The following PLPBP variants were observed in gnomAD, a reference collection of about 807,000 sequenced individuals.
PLPBP encodes the protein pyridoxal phosphate binding protein.
Under a neutral mutation model 31.2 loss-of-function variants are expected in PLPBP, and 21 were observed. That is an observed-to-expected ratio of 0.67 (90% confidence interval 0.48 to 0.97). The LOEUF is 0.97. Among genes scored for constraint, PLPBP ranks in the 50% least tolerant of loss-of-function variants. The probability of loss-of-function intolerance (pLI) is 0.00; values close to 1 mark genes in which losing one functional copy is unlikely to be tolerated. For missense variants in PLPBP, 308 were observed against 354.4 expected, an observed-to-expected ratio of 0.87 and a Z score of 1.05; for synonymous variants, 124 against 135.6, an observed-to-expected ratio of 0.91 and a Z score of 0.59.
chr8:37,771,938 C>A (rs761283456), intron 4 of PLPBP, among the ~76,000 whole-genome samples: 1 of 152,058 alleles, frequency 6.6e-6, no homozygotes, highest in Non-Finnish European at 1.5e-5. Flanking sequence ...CTAGCCTGGG[C>A]GACAGAGCGA....
In PLPBP at chr8:37,775,963, C is replaced by G. The variant is rs768143536; in HGVS notation, c.643C>G (p.Pro215Ala). 48 of 1,613,950 alleles carry G rather than the reference C, an allele frequency of 3.0e-5. No individual in the cohort carries two copies. Among genetic ancestry groups the G allele is most frequent in the Non-Finnish European group, 3.2e-5 (38 of 1,179,980 alleles). Residue 215 changes from proline to alanine, a missense_variant, in exon 7 of 8, where the codon CCT becomes GCT. By Grantham distance (27) the Pro-to-Ala change is conservative (BLOSUM62 -1). This residue lies in a region of PLPBP where 188 missense variants were observed against 259.3 expected (regional missense o/e 0.73). Coordinates refer to ENST00000328195, the MANE Select transcript of PLPBP (RefSeq NM_007198.4). Reference protein sequence around the residue: ...REELCKKLNIPADQVELSMGM... With the variant: ...REELCKKLNIAADQVELSMGM... ...GGAGCTGTGTAAAAAGCTGAACATC[C>G]CTGCTGACCAGGTTGAGCTGAGCAT...
At position 37,767,894 on chromosome 8, in the gene PLPBP, C is replaced by T. The variant is rs182651708; in HGVS notation, c.319+1539C>T. On this transcript the variant is annotated intron_variant, in intron 4 of 7. Coordinates refer to ENST00000328195, the MANE Select transcript of PLPBP (RefSeq NM_007198.4). ...GATCCCGGCTCACTGCAACCTCCAC[C>T]GCCCGAGTTCAAGCGATTCTCCTGC... Among the ~76,000 whole-genome samples the T allele has an allele frequency of 4.7e-3, 715 of 150,750 alleles. 4 individuals are homozygous for T. Among genetic ancestry groups the T allele is most frequent in the Middle Eastern group, 6.9e-3 (2 of 290 alleles).
chr8:37,766,236 C>T (rs1803624472), intron 3 of PLPBP, 44 bp from the exon 4 acceptor site: 1 of 1,500,296 alleles, frequency 6.7e-7, no homozygotes, highest in Non-Finnish European at 9.1e-7. Context: ...CCAGCAAGGC[C>T]TCTATAAAAT....
chr8:37,775,420 G>A lies in PLPBP; in HGVS notation c.536G>A (p.Gly179Glu). The A allele has an allele frequency of 6.2e-7, 1 of 1,614,188 alleles. No individual in the cohort carries two copies. Among genetic ancestry groups the A allele is most frequent in the Non-Finnish European group, 8.5e-7 (1 of 1,180,040 alleles). ...NAKCPNLEFV[G>E]LMTIGSFGHD... ...AAGTGTCCTAACCTGGAGTTTGTGG[G>A]GCTGATGACCATAGGAAGCTTTGGG... The change falls in exon 6 of 8, where the codon GGG becomes GAG. Residue 179 changes from glycine to glutamate, a missense_variant. By Grantham distance (98) the Gly-to-Glu change is moderately conservative (BLOSUM62 -2). Coordinates refer to ENST00000328195, the MANE Select transcript of PLPBP (RefSeq NM_007198.4).
At position 37,775,996 on chromosome 8, in the gene PLPBP, T is replaced by C. The variant is rs201046156; in HGVS notation, c.676T>C (p.Ser226Pro). The C allele has an allele frequency of 1.7e-5, 27 of 1,613,782 alleles. No homozygotes were observed. The highest frequency in any genetic ancestry group is 2.2e-5 in the South Asian group (2 of 91,086). The stretch of plus-strand genomic sequence containing the variant: ...CCAGGTTGAGCTGAGCATGGGCATG[T>C]CCGCGGATTTCCAGCATGCGGTGAG... Reference protein sequence around the residue: ...ADQVELSMGMSADFQHAVEVG... With the variant: ...ADQVELSMGMPADFQHAVEVG... Residue 226 changes from serine (S) to proline (P), a missense_variant, in exon 7 of 8, where the codon TCC (serine) becomes CCC (proline). This residue lies in a region of PLPBP where 188 missense variants were observed against 259.3 expected (regional missense o/e 0.73). Transcript: ENST00000328195.
At chr8:37,774,694 A>G (rs1803857397) in intron 5 of PLPBP, among the ~76,000 whole-genome samples, 1 of 152,242 alleles carries the variant, frequency 6.6e-6, no homozygotes, top group Admixed American at 6.5e-5. Flanking sequence ...GAAATCAACT[A>G]TAGGTCAAGT....
intron 5 of PLPBP, among the ~76,000 whole-genome samples, chr8:37,773,914 T>C (rs1258002187): frequency 6.6e-6 from 1 of 152,160 alleles, no homozygotes; most frequent in Non-Finnish European, 1.5e-5. Context: ...GAATGGAAGA[T>C]AATTACTGTG....
rs1803880470 is a variant in PLPBP, at chr8:37,775,563, AT to A, written c.597+84del. ...TATTGCAGGGCTGGCTGCAGTGGGG[AT>A]TGCAGAGTCATCCCAGACACTGCCT... On this transcript the variant is annotated intron_variant, in intron 6 of 7. Transcript: ENST00000328195. 1.1e-5 allele frequency: 18 copies of A among 1,576,408 alleles called. No individual in the cohort carries two copies. In the South Asian group the frequency reaches 2.1e-4, roughly 18 times the overall value.
chr8:37,775,262 A>T (rs1422158377), intron 5 of PLPBP, 77 bp from the exon 6 acceptor site: 1 of 1,551,814 alleles, frequency 6.4e-7, no homozygotes, highest in African/African-American at 1.4e-5. Context: ...TTCTGTCGTA[A>T]GGAAGGGAGG....
rs1222476742 is a variant in PLPBP at position 37,765,557 on chromosome 8, C to T, written c.131C>T (p.Ala44Val). 11 of 1,613,970 alleles carry T rather than the reference C, an allele frequency of 6.8e-6. No individual in the cohort carries two copies. The highest frequency in any genetic ancestry group is 1.7e-5 in the Admixed American group (1 of 60,018). Residue 44 changes from alanine to valine, a missense_variant, in exon 2 of 8, where the codon GCG (alanine) becomes GTG (valine). Physicochemically the swap from Ala to Val is moderately conservative, Grantham distance 64 (BLOSUM62 0). Coordinates refer to ENST00000328195, the MANE Select transcript of PLPBP (RefSeq NM_007198.4). ...DLPAIQPRLV[A>V]VSKTKPADMV... ...CCAGCCATCCAGCCCCGGCTAGTGG[C>T]GGTCAGCAAAACCAAACCTGCAGAC...
Position 37,765,617 on chromosome 8 carries a change from C to T in PLPBP, c.191C>T (p.Thr64Ile). 3.1e-6 allele frequency: 5 copies of T among 1,614,224 alleles called. No individual in the cohort carries two copies. Among genetic ancestry groups the T allele is most frequent in the Non-Finnish European group, 4.2e-6 (5 of 1,180,030 alleles). Residue 64 changes from threonine to isoleucine, a missense_variant, in exon 2 of 8, where the codon ACT (threonine) becomes ATT (isoleucine). Transcript: ENST00000328195. ...GAGGCCTATGGACATGGGCAGCGCACTTTTGGCGAGAACTACGTAAGAGCC... is the reference window on the plus strand; with the variant it reads ...GAGGCCTATGGACATGGGCAGCGCATTTTTGGCGAGAACTACGTAAGAGCC... ...VIEAYGHGQR[T>I]FGENYVQELL...
intron 7 of PLPBP, among the ~76,000 whole-genome samples, 161 bp downstream of exon 7, chr8:37,776,177 C>A (rs1169772080): frequency 1.3e-5 from 2 of 152,178 alleles, no homozygotes; most frequent in African/African-American, 4.8e-5. Flanking sequence ...ATTCCCCATG[C>A]CCTTTCTTTT....
At chr8:37,769,574 A>G (rs927782565) in intron 4 of PLPBP, among the ~76,000 whole-genome samples, 1 of 152,118 alleles carries the variant, frequency 6.6e-6, no homozygotes, top group Non-Finnish European at 1.5e-5. Context: ...TAAAAATACA[A>G]AAGGCCAGTA....
At position 37,777,953 on chromosome 8, in the gene PLPBP, C is replaced by T; in HGVS notation, c.697-20C>T. 1 of 1,604,534 alleles carries T rather than the reference C, an allele frequency of 6.2e-7. No homozygotes were observed. Among genetic ancestry groups the T allele is most frequent in the Non-Finnish European group, 8.5e-7 (1 of 1,173,184 alleles). ...ATTATTTTAAACCTGGTCCTCGATA[C>T]CTTCTCTTTTTTCCCACAGGTTGAA... On this transcript the variant is annotated intron_variant, in intron 7 of 7. Coordinates refer to ENST00000328195, the MANE Select transcript of PLPBP (RefSeq NM_007198.4).
In PLPBP at chr8:37,762,712, G is replaced by T; in HGVS notation, c.53G>T (p.Arg18Leu). 1 of 1,590,390 alleles carries T rather than the reference G, an allele frequency of 6.3e-7. No homozygotes were observed. The highest frequency in any genetic ancestry group is 8.5e-7 in the Non-Finnish European group (1 of 1,172,862). ...SAELGVGCAL[R>L]AVNERVQQAV... ...GAGCTGGGAGTCGGGTGCGCATTGCGGGCGGTGAACGAGCGCGTGCAGCAG... is the reference window on the plus strand; with the variant it reads ...GAGCTGGGAGTCGGGTGCGCATTGCTGGCGGTGAACGAGCGCGTGCAGCAG... The change falls in exon 1 of 8, where the codon CGG becomes CTG. Residue 18 changes from arginine to leucine, a missense_variant. By Grantham distance (102) the Arg-to-Leu change is moderately radical. Coordinates refer to ENST00000328195, the MANE Select transcript of PLPBP (RefSeq NM_007198.4).
intron 4 of PLPBP, 40 bp from the exon 5 acceptor site, chr8:37,772,715 A>G: frequency 6.2e-7 from 1 of 1,608,556 alleles, no homozygotes; most frequent in Non-Finnish European, 8.5e-7. Context: ...GCTGCAATAG[A>G]GCAAATAAGG....
rs546260428 is a variant in PLPBP, at chr8:37,772,687, A to G, written c.320-68A>G. 1.0e-5 allele frequency: 16 copies of G among 1,572,246 alleles called. No individual in the cohort carries two copies. The African/African-American group carries it at 1.6e-4, about 16-fold the overall frequency. On this transcript the variant is annotated intron_variant, in intron 4 of 7. Coordinates refer to ENST00000328195, the MANE Select transcript of PLPBP (RefSeq NM_007198.4). Reference sequence around the variant, plus strand: ...TATTTTTTCCTCTAACAAGTCAGAGATTTGTTGCATGTTACTTGCTGCAAT... The same window carrying G: ...TATTTTTTCCTCTAACAAGTCAGAGGTTTGTTGCATGTTACTTGCTGCAAT...
intron 4 of PLPBP, among the ~76,000 whole-genome samples, chr8:37,770,509 C>G (rs1803742262): frequency 6.6e-6 from 1 of 152,188 alleles, no homozygotes. Flanking sequence ...AATCTAAATC[C>G]AAGACCTGAA....
At position 37,776,778 on chromosome 8, in the gene PLPBP, T is replaced by G. The variant is rs369754970; in HGVS notation, c.696+762T>G. On this transcript the variant is annotated intron_variant, in intron 7 of 7. Transcript: ENST00000328195. The stretch of plus-strand genomic sequence containing the variant: ...CCTAAGGCTTCATGTTTGTTTGTTT[T>G]TTTTTGGAGACTGAGTCTCGCTCTA... 1.5e-4 allele frequency among the ~76,000 whole-genome samples: 23 copies of G among 152,264 alleles called. 1 individual carries two copies. In the South Asian group the frequency reaches 2.5e-3, roughly 16 times the overall value.
Sources: allele counts gnomAD v4.1 joint callset (sites outside exome capture counted in the v4.1 genomes callset), GRCh38; gene constraint gnomAD v4.1.1; regional missense constraint gnomAD v4.1.1; transcripts MANE v1.5; gene names NCBI Gene and HGNC (gene_info 2026-07-23, HGNC 2026-07-21).